TCEA1: variants seen among roughly 807,000 people sequenced by gnomAD.
TCEA1 encodes transcription elongation factor A1, also known as transcription elongation factor A protein 1.
A neutral mutation model predicts 43.8 loss-of-function variants in TCEA1; 21 were observed. The ratio of observed to expected loss-of-function variants is 0.48; its 90% CI spans 0.34 to 0.69. The LOEUF is 0.69. TCEA1 is among the 30% of genes least tolerant of loss of function. The pLI is 0.01. For synonymous variants in TCEA1, 104 were observed against 117.5 expected (o/e 0.88, Z 0.75); for missense variants, 250 against 365.1 (o/e 0.68, Z 2.57).
chr8:54,007,719 C>A (rs192311264), intron 2 of TCEA1, among the ~76,000 whole-genome samples: 58 of 152,264 alleles, frequency 3.8e-4, no homozygotes, highest in African/African-American at 1.3e-3. Context: ...CATGTTCACA[C>A]ACCCCCACCA....
chr8:53,989,762 T>A (rs1414937913), intron 4 of TCEA1, among the ~76,000 whole-genome samples: 3 of 152,180 alleles, frequency 2.0e-5, no homozygotes, highest in South Asian at 2.1e-4. Context: ...TTTTTTTTTT[T>A]AAGACTCCAG....
chr8:54,019,654 G>C (rs1226283179), intron 1 of TCEA1, among the ~76,000 whole-genome samples: 1 of 150,384 alleles, frequency 6.6e-6, no homozygotes, highest in Non-Finnish European at 1.5e-5. Flanking sequence ...GAAAAAAAGA[G>C]AAACACATAT....
Position 53,975,583 on chromosome 8 carries a change from A to T in TCEA1, c.825+3442T>A, listed in dbSNP as rs115677024. 4.1e-3 allele frequency among the ~76,000 whole-genome samples: 620 copies of T among 152,306 alleles called. 4 individuals carry two copies. Among genetic ancestry groups the T allele is most frequent in the African/African-American group, 0.014 (591 of 41,572 alleles). Reference sequence around the variant, plus strand: ...AAAAAGTAGGGAAAGTCTGACATATATCACAACACAGATAAACCTTGCAGA... The same window carrying T: ...AAAAAGTAGGGAAAGTCTGACATATTTCACAACACAGATAAACCTTGCAGA... On this transcript the variant is annotated intron_variant, in intron 8 of 9. Transcript: ENST00000521604.
intron 2 of TCEA1, among the ~76,000 whole-genome samples, chr8:54,008,788 A>C (rs1378969993): frequency 6.6e-6 from 1 of 151,758 alleles, no homozygotes; most frequent in Non-Finnish European, 1.5e-5. Flanking sequence ...GCAAATAAAA[A>C]CCACCATGAG....
intron 8 of TCEA1, among the ~76,000 whole-genome samples, chr8:53,978,319 G>A (rs958669245): frequency 2.4e-4 from 37 of 152,194 alleles, no homozygotes; most frequent in Non-Finnish European, 4.0e-4. Flanking sequence ...CTAGTCCCCA[G>A]TTATCCATGG....
rs1804031195 is a variant in TCEA1, at chr8:53,995,658, A to G, written c.233-1903T>C. Among the ~76,000 whole-genome samples the G allele has an allele frequency of 2.6e-5, 4 of 152,174 alleles. No individual in the cohort carries two copies. The South Asian group carries it at 8.3e-4, about 32-fold the overall frequency. On this transcript the variant is annotated intron_variant, in intron 3 of 9. Coordinates refer to ENST00000521604, the MANE Select transcript of TCEA1 (RefSeq NM_006756.4). Reference sequence around the variant, plus strand: ...CTATATCCAACTGGATAGCAGAATCACCTAGGGAGCTTTTAAACATATCCT... The same window carrying G: ...CTATATCCAACTGGATAGCAGAATCGCCTAGGGAGCTTTTAAACATATCCT...
rs187287708 is a variant in TCEA1, at chr8:54,006,058, T to C, written c.126+4372A>G. Among the ~76,000 whole-genome samples, 31 of 152,358 alleles carry C rather than the reference T, an allele frequency of 2.0e-4. 1 individual carries two copies. Among genetic ancestry groups the C allele is most frequent in the Non-Finnish European group, 3.4e-4 (23 of 68,032 alleles). The stretch of plus-strand genomic sequence containing the variant: ...TCTGCTGAGGGAGAACCTAGTCATC[T>C]TCTGAGATGTAGTTTCAGCTTTATC... On this transcript the variant is annotated intron_variant, in intron 2 of 9. Transcript: ENST00000521604.
chr8:53,982,961 G>A (rs1038341762), intron 7 of TCEA1, among the ~76,000 whole-genome samples: 1 of 152,190 alleles, frequency 6.6e-6, no homozygotes, highest in African/African-American at 2.4e-5. Flanking sequence ...AGGCTACCAA[G>A]AAATATTTCA....
At position 53,972,892 on chromosome 8, in the gene TCEA1, A is replaced by G. The variant is rs1160008172; in HGVS notation, c.826-2429T>C. On this transcript the variant is annotated intron_variant, in intron 8 of 9. Coordinates refer to ENST00000521604, the MANE Select transcript of TCEA1 (RefSeq NM_006756.4). ...ATACCAGATGATACTACTTTTGATG[A>G]TGAGCCGAAGGACGTAGCCTCAGAG... The G allele has an allele frequency of 4.3e-6, 3 of 691,916 alleles. No homozygotes were observed. In the East Asian group the frequency reaches 8.1e-5, roughly 19 times the overall value. The allele number at this position is 691,916 out of a possible 1,614,324, so 42.9% of individuals were successfully genotyped here. A position where few individuals can be genotyped will look rare whatever the true frequency, so the allele number is the denominator to read the frequency against.
intron 2 of TCEA1, among the ~76,000 whole-genome samples, chr8:54,005,410 C>G (rs1158616548): frequency 6.6e-6 from 1 of 152,166 alleles, no homozygotes; most frequent in Non-Finnish European, 1.5e-5. Context: ...GGAGGACATA[C>G]TCAACTACCT....
chr8:54,022,164 A>C lies in TCEA1; in HGVS notation c.-39T>G, dbSNP rs779768642. On this transcript the variant is annotated 5_prime_UTR_variant, in exon 1 of 10. Transcript: ENST00000521604. ...CTTCTCCGCGCCCACCCCGCTGGCA[A>C]GGGGAAGTGGGCGAAGCTGGAGCGG... The C allele has an allele frequency of 6.3e-7, 1 of 1,592,334 alleles. No homozygotes were observed. Among genetic ancestry groups the C allele is most frequent in the Non-Finnish European group, 8.6e-7 (1 of 1,167,470 alleles).
At chr8:53,989,054 C>T (rs927803410) in intron 4 of TCEA1, among the ~76,000 whole-genome samples, 1 of 150,728 alleles carries the variant, frequency 6.6e-6, no homozygotes, top group Non-Finnish European at 1.5e-5. Context: ...GGTGACACAG[C>T]GAGACTCCAC....
At chr8:53,987,827 A>AC (rs1491093394) in intron 5 of TCEA1, among the ~76,000 whole-genome samples, 1 of 152,234 alleles carries the variant, frequency 6.6e-6, no homozygotes, top group Non-Finnish European at 1.5e-5. Context: ...GTGGGGAAAC[A>AC]AAAGATTTGT....
chr8:53,984,372 C>T lies in TCEA1; in HGVS notation c.669G>A (p.Met223Ile). 1 of 1,598,732 alleles carries T rather than the reference C, an allele frequency of 6.3e-7. No homozygotes were observed. Among genetic ancestry groups the T allele is most frequent in the East Asian group, 2.2e-5 (1 of 44,776 alleles). ...ATTCACACATACTCACCTCTGCTGT[C>T]ATTCTAGCAAATAAGTCAGGAGGAA... is the stretch of plus-strand genomic sequence containing the variant. ...GNIPPDLFAR[M>I]TAEEMASDEL... The change falls in exon 7 of 10, where the codon ATG (methionine) becomes ATA (isoleucine). Residue 223 changes from methionine to isoleucine, a missense_variant. By Grantham distance (10) the Met-to-Ile change is conservative (BLOSUM62 1). Coordinates refer to ENST00000521604, the MANE Select transcript of TCEA1 (RefSeq NM_006756.4).
At chr8:53,975,072 AAG>A (rs1228981067) in intron 8 of TCEA1, among the ~76,000 whole-genome samples, 1 of 152,074 alleles carries the variant, frequency 6.6e-6, no homozygotes, top group East Asian at 1.9e-4. Context: ...TTGTAAATAA[AAG>A]AGCAAAATAT....
intron 7 of TCEA1, 60 bp from the exon 8 acceptor site, chr8:53,979,231 C>A: frequency 6.9e-7 from 1 of 1,452,730 alleles, no homozygotes; most frequent in Non-Finnish European, 9.2e-7. Context: ...ATCCTGAATG[C>A]TTTTATGCTC....
chr8:53,979,276 C>T, intron 7 of TCEA1, 105 bp from the exon 8 acceptor site: 13 of 1,226,820 alleles, frequency 1.1e-5, no homozygotes, highest in Non-Finnish European at 1.4e-5. Flanking sequence ...ACATATCAAC[C>T]TTTAAGGTTT....
At chr8:53,971,950 G>C (rs548676270) in intron 8 of TCEA1, 1 of 181,968 alleles carries the variant, frequency 5.5e-6, no homozygotes, top group Non-Finnish European at 1.1e-5. Flanking sequence ...AAGAAGGAGA[G>C]CAAAAAATTT....
At chr8:53,988,026 C>G in intron 5 of TCEA1, 88 bp downstream of exon 5, 3 of 1,498,674 alleles carry the variant, frequency 2.0e-6, no homozygotes, top group Non-Finnish European at 2.7e-6. Context: ...CACAGGGTAA[C>G]ACTCATCAAA....
Sources: allele counts gnomAD v4.1 joint callset (sites outside exome capture counted in the v4.1 genomes callset), GRCh38; gene constraint gnomAD v4.1.1; transcripts MANE v1.5; gene names NCBI Gene and HGNC (gene_info 2026-07-23, HGNC 2026-07-21).